The following HEMK2 variants were observed in gnomAD, a reference collection of about 807,000 sequenced individuals.
HEMK2 encodes the protein methyltransferase HEMK2.
chr21:28,636,892 T>C, the HEMK2 span, among the ~76,000 whole-genome samples: 1 of 152,152 alleles, frequency 6.6e-6, no homozygotes, highest in Non-Finnish European at 1.5e-5. Context: ...AAAACTGCAT[T>C]TCCAAAATCA....
chr21:28,666,059 C>G, the HEMK2 span, among the ~76,000 whole-genome samples: 1 of 152,162 alleles, frequency 6.6e-6, no homozygotes, highest in South Asian at 2.1e-4. Context: ...AATCACAATT[C>G]TAAATTGATT....
At chr21:28,760,958 CTATTCATT>C in the HEMK2 span, among the ~76,000 whole-genome samples, 1 of 152,032 alleles carries the variant, frequency 6.6e-6, no homozygotes, top group Non-Finnish European at 1.5e-5. Flanking sequence ...TGTCATAGAT[CTATTCATT>C]TATTATTGAG....
At chr21:28,821,781 T>G in the HEMK2 span, among the ~76,000 whole-genome samples, 1 of 152,308 alleles carries the variant, frequency 6.6e-6, no homozygotes, top group Non-Finnish European at 1.5e-5. Flanking sequence ...TGGCTCAATC[T>G]TCAAAGAAAA....
chr21:28,628,008 C>T, the HEMK2 span, among the ~76,000 whole-genome samples: 1 of 152,140 alleles, frequency 6.6e-6, no homozygotes, highest in East Asian at 1.9e-4. Flanking sequence ...TGTAACAGGG[C>T]TCTTGAGCCC....
chr21:28,651,658 G>A, the HEMK2 span, among the ~76,000 whole-genome samples: 7 of 152,182 alleles, frequency 4.6e-5, no homozygotes, highest in South Asian at 4.1e-4. Context: ...GCATTATCAC[G>A]AAGGTCAGAC....
At chr21:28,751,177 G>C in the HEMK2 span, among the ~76,000 whole-genome samples, 1 of 147,712 alleles carries the variant, frequency 6.8e-6, no homozygotes, top group African/African-American at 2.6e-5. Flanking sequence ...CTTGCAGTGA[G>C]CCGAGATCAC....
chr21:28,593,313 TG>T, the HEMK2 span, among the ~76,000 whole-genome samples: 1 of 152,246 alleles, frequency 6.6e-6, no homozygotes, highest in African/African-American at 2.4e-5. Context: ...TCTCATTATG[TG>T]CATGCAAATA....
chr21:28,768,756 G>T, the HEMK2 span, among the ~76,000 whole-genome samples: 1 of 152,088 alleles, frequency 6.6e-6, no homozygotes, highest in African/African-American at 2.4e-5. Context: ...CCCCCTAAAA[G>T]TCATATGTTG....
chr21:28,690,013 G>A, the HEMK2 span, among the ~76,000 whole-genome samples: 1 of 152,154 alleles, frequency 6.6e-6, no homozygotes, highest in South Asian at 2.1e-4. Flanking sequence ...CATGGCTGGG[G>A]AGGACTGACA....
chr21:28,831,896 CAAAAA>C, the HEMK2 span, among the ~76,000 whole-genome samples: 2 of 151,760 alleles, frequency 1.3e-5, no homozygotes, highest in Admixed American at 1.3e-4. Context: ...AGACAGAAAA[CAAAAA>C]ACACTGTTTA....
chr21:28,624,939 A>T, the HEMK2 span, among the ~76,000 whole-genome samples: 1 of 152,262 alleles, frequency 6.6e-6, no homozygotes, highest in South Asian at 2.1e-4. Context: ...GTCAAGGCTC[A>T]GCCAAACTAG....
chr21:28,878,695 T>G, the HEMK2 span, among the ~76,000 whole-genome samples: 2 of 151,812 alleles, frequency 1.3e-5, no homozygotes, highest in African/African-American at 4.8e-5. Flanking sequence ...AACATTGCCC[T>G]GCGTATATCA....
the HEMK2 span, among the ~76,000 whole-genome samples, chr21:28,848,169 C>G: frequency 6.6e-6 from 1 of 152,096 alleles, no homozygotes; most frequent in African/African-American, 2.4e-5. Flanking sequence ...ATGTCATTGA[C>G]AGTTTGACAG....
At chr21:28,802,211 T>C in the HEMK2 span, among the ~76,000 whole-genome samples, 1 of 152,118 alleles carries the variant, frequency 6.6e-6, no homozygotes, top group Non-Finnish European at 1.5e-5. Flanking sequence ...GTAAGAAGTT[T>C]CTTATGTACA....
the HEMK2 span, among the ~76,000 whole-genome samples, chr21:28,706,464 G>C: frequency 1.2e-4 from 19 of 152,086 alleles, no homozygotes; most frequent in Admixed American, 1.2e-3. Flanking sequence ...ATATGGCCAT[G>C]AGGTGACTCT....
the HEMK2 span, among the ~76,000 whole-genome samples, chr21:28,787,887 T>C: frequency 1.3e-5 from 2 of 152,136 alleles, no homozygotes; most frequent in Non-Finnish European, 2.9e-5. Flanking sequence ...TAAGTCATTA[T>C]TGGAAAAAGA....
the HEMK2 span, among the ~76,000 whole-genome samples, chr21:28,680,170 GA>G: frequency 1.3e-5 from 2 of 152,102 alleles, no homozygotes; most frequent in East Asian, 3.9e-4. Flanking sequence ...TAATAAAGAA[GA>G]AAAGAGAGAA....
chr21:28,579,863 T>C, the HEMK2 span, among the ~76,000 whole-genome samples: 1 of 152,230 alleles, frequency 6.6e-6, no homozygotes, highest in South Asian at 2.1e-4. Context: ...CTCTGGTGAC[T>C]GAACTTTCTG....
chr21:28,718,305 A>C, the HEMK2 span, among the ~76,000 whole-genome samples: 1 of 151,988 alleles, frequency 6.6e-6, no homozygotes, highest in African/African-American at 2.4e-5. Flanking sequence ...TGGTTTTTTA[A>C]ATTATTATTT....
Sources: gnomAD v4.1 joint callset for allele counts (sites outside exome capture counted in the v4.1 genomes callset) on GRCh38, gnomAD v4.1.1 for gene constraint, MANE v1.5 for transcripts, NCBI Gene and HGNC (gene_info 2026-07-23, HGNC 2026-07-21) for gene names.